The following CSMD1 variants were observed in gnomAD, a reference collection of about 807,000 sequenced individuals.
CSMD1 encodes the protein CUB and sushi domain-containing protein 1.
Under a neutral mutation model 417.5 loss-of-function variants are expected in CSMD1, and 213 were observed. The ratio of observed to expected loss-of-function variants is 0.51; its 90% CI spans 0.46 to 0.57. The LOEUF (loss-of-function observed/expected upper bound fraction) is 0.57, where lower values mean the gene tolerates loss of function less well. Among genes scored for constraint, CSMD1 ranks in the 20% least tolerant of loss-of-function variants. CSMD1 has a pLI of 0.00. For missense variants in CSMD1, 6,923 were observed against 4,529.7 expected (o/e 1.53, Z -15.17); for synonymous variants, 2,862 against 1,736.8 (o/e 1.65, Z -16.11).
intron 29 of CSMD1, among the ~76,000 whole-genome samples, chr8:3,215,698 C>T (rs1797843079): frequency 6.6e-6 from 1 of 152,032 alleles, no homozygotes; most frequent in East Asian, 1.9e-4. Flanking sequence ...TTTTAATTTT[C>T]TGTTTCAATA....
At chr8:3,443,395 T>C (rs1426133384) in intron 12 of CSMD1, among the ~76,000 whole-genome samples, 6 of 151,968 alleles carry the variant, frequency 3.9e-5, no homozygotes, top group Admixed American at 1.3e-4. Context: ...ATTCATTAGA[T>C]AGAAAAAAAA....
At chr8:4,620,067 C>T (rs1348000364) in intron 2 of CSMD1, among the ~76,000 whole-genome samples, 1 of 151,772 alleles carries the variant, frequency 6.6e-6, no homozygotes, top group East Asian at 1.9e-4. Context: ...TATTTATTAA[C>T]ACAATAAATA....
rs542728564 is a variant in CSMD1, at chr8:4,191,615, A to C, written c.416-159516T>G. ...CAGCTGTTTAAGCTTTCTATGTTGA[A>C]AGAAAACTACAAGATACATTGAAAG... is the stretch of plus-strand genomic sequence containing the variant. On this transcript the variant is annotated intron_variant, in intron 3 of 69. Transcript: ENST00000635120. Among the ~76,000 whole-genome samples, 230 of 152,226 alleles carry C rather than the reference A, an allele frequency of 1.5e-3. 3 individuals carry two copies. The South Asian group carries it at 0.02, about 13-fold the overall frequency.
intron 3 of CSMD1, among the ~76,000 whole-genome samples, chr8:4,319,175 T>A (rs539277339): frequency 3.2e-4 from 49 of 152,300 alleles, no homozygotes; most frequent in Non-Finnish European, 5.7e-4. Flanking sequence ...AAACTGTTAG[T>A]CAATTTCCCC....
chr8:4,208,473 T>C (rs1395360858), intron 3 of CSMD1, among the ~76,000 whole-genome samples: 1 of 152,242 alleles, frequency 6.6e-6, no homozygotes, highest in Admixed American at 6.5e-5. Context: ...ATAATTGATG[T>C]TTCTATTCAT....
At chr8:4,412,606 T>C (rs908413755) in intron 3 of CSMD1, among the ~76,000 whole-genome samples, 7 of 152,208 alleles carry the variant, frequency 4.6e-5, no homozygotes, top group Admixed American at 1.3e-4. Flanking sequence ...GAATTTCTCT[T>C]AATGAAGTTG....
chr8:3,298,764 A>G (rs907044459), intron 25 of CSMD1, among the ~76,000 whole-genome samples: 2 of 152,126 alleles, frequency 1.3e-5, no homozygotes, highest in Non-Finnish European at 2.9e-5. Context: ...ATTATCTTTT[A>G]CATAAAATTC....
chr8:3,486,486 T>A (rs1818042075), intron 11 of CSMD1, among the ~76,000 whole-genome samples: 1 of 152,204 alleles, frequency 6.6e-6, no homozygotes, highest in Non-Finnish European at 1.5e-5. Context: ...TGGAAGAGAT[T>A]CCTGGGTCTT....
intron 3 of CSMD1, among the ~76,000 whole-genome samples, chr8:4,202,629 T>TA (rs1177175136): frequency 6.6e-6 from 1 of 152,208 alleles, no homozygotes; most frequent in African/African-American, 2.4e-5. Flanking sequence ...GTGGATATTG[T>TA]AAATTTCCTC....
At chr8:4,034,232 T>G (rs889373855) in intron 3 of CSMD1, among the ~76,000 whole-genome samples, 4 of 146,848 alleles carry the variant, frequency 2.7e-5, no homozygotes, top group African/African-American at 9.7e-5. Context: ...ATTACTTAAG[T>G]ACAAACAGAA....
At chr8:4,384,819 C>T (rs1803339494) in intron 3 of CSMD1, among the ~76,000 whole-genome samples, 1 of 152,146 alleles carries the variant, frequency 6.6e-6, no homozygotes, top group Non-Finnish European at 1.5e-5. Flanking sequence ...CAAAATTATG[C>T]TACCTAATTT....
intron 2 of CSMD1, among the ~76,000 whole-genome samples, chr8:4,470,670 G>C (rs537987829): frequency 6.6e-6 from 1 of 152,134 alleles, no homozygotes; most frequent in Non-Finnish European, 1.5e-5. Flanking sequence ...ACGGCCATTA[G>C]TGCTTTTTGA....
At chr8:4,062,388 G>C (rs1404835689) in intron 3 of CSMD1, among the ~76,000 whole-genome samples, 2 of 151,914 alleles carry the variant, frequency 1.3e-5, no homozygotes, top group Non-Finnish European at 2.9e-5. Flanking sequence ...AGCAATAAGA[G>C]GGCAATGAGA....
chr8:3,703,871 G>A (rs1801012987), intron 7 of CSMD1, among the ~76,000 whole-genome samples: 3 of 152,250 alleles, frequency 2.0e-5, no homozygotes, highest in Admixed American at 1.3e-4. Context: ...AGGAGTTTGA[G>A]ACCAGCCTGG....
intron 3 of CSMD1, among the ~76,000 whole-genome samples, chr8:4,061,951 G>A (rs957426703): frequency 1.3e-5 from 2 of 152,118 alleles, no homozygotes; most frequent in South Asian, 4.1e-4. Flanking sequence ...TTCTTCATCA[G>A]CATTATCTTA....
At chr8:3,766,501 C>A (rs370538996) in intron 5 of CSMD1, among the ~76,000 whole-genome samples, 2 of 152,078 alleles carry the variant, frequency 1.3e-5, no homozygotes, top group Non-Finnish European at 2.9e-5. Context: ...GGGAGACACC[C>A]TTTGCCTCCT....
chr8:3,155,359 A>ATTTTTTTTTTTT (rs556304192), intron 39 of CSMD1, among the ~76,000 whole-genome samples: 1,715 of 43,260 alleles, frequency 0.04, 553 homozygotes, highest in Non-Finnish European at 0.051. Context: ...CAAGGCTGGG[A>ATTTTTTTTTTTT]TTTTTTTTTT....
intron 17 of CSMD1, among the ~76,000 whole-genome samples, chr8:3,389,486 T>C (rs887787330): frequency 6.6e-6 from 1 of 152,174 alleles, no homozygotes. Flanking sequence ...AGAAATGCAC[T>C]GATCTCTAGG....
At chr8:3,962,083 T>C (rs41405147) in intron 5 of CSMD1, among the ~76,000 whole-genome samples, 2,301 of 152,294 alleles carry the variant, frequency 0.015, 54 homozygotes, top group African/African-American at 0.052. Context: ...CAGAGATAAC[T>C]TGAGCTTGGA....
Sources: allele counts gnomAD v4.1 joint callset (sites outside exome capture counted in the v4.1 genomes callset), GRCh38; gene constraint gnomAD v4.1.1; transcripts MANE v1.5; gene names NCBI Gene and HGNC (gene_info 2026-07-23, HGNC 2026-07-21).